The following BTBD9 variants were observed in gnomAD, a reference collection of about 807,000 sequenced individuals.
The protein encoded by BTBD9 is BTB domain containing 9.
In BTBD9, 49 loss-of-function variants were observed where a neutral mutation model predicts 64.3. That is an observed-to-expected ratio of 0.76 (90% CI 0.61 to 0.97). The LOEUF (loss-of-function observed/expected upper bound fraction) is 0.97. BTBD9 is among the 50% of genes least tolerant of loss of function. BTBD9 has a pLI of 0.00. For synonymous variants in BTBD9, 260 were observed against 274.7 expected, an observed-to-expected ratio of 0.95 and a Z score of 0.53; for missense variants, 598 against 762.1, an observed-to-expected ratio of 0.78 and a Z score of 2.53.
intron 9 of BTBD9, among the ~76,000 whole-genome samples, chr6:38,250,795 G>A (rs1212720137): frequency 4.6e-5 from 7 of 152,166 alleles, no homozygotes; most frequent in Non-Finnish European, 7.3e-5. Context: ...AGTTTAGGCC[G>A]AGCGAGGTGG....
At chr6:38,491,300 AG>A (rs1242157302) in intron 6 of BTBD9, among the ~76,000 whole-genome samples, 1 of 152,258 alleles carries the variant, frequency 6.6e-6, no homozygotes, top group African/African-American at 2.4e-5. Flanking sequence ...CTGGCAAGAA[AG>A]GCAAGGTGTT....
At chr6:38,273,954 C>A (rs1050890933) in intron 8 of BTBD9, among the ~76,000 whole-genome samples, 2 of 152,196 alleles carry the variant, frequency 1.3e-5, no homozygotes, top group African/African-American at 4.8e-5. Flanking sequence ...ACAAGTGATT[C>A]CACTAAACTA....
rs774497572 is a variant in BTBD9 at position 38,210,580 on chromosome 6, GCA to G, written c.1563-17985_1563-17984del. Among the ~76,000 whole-genome samples the G allele has an allele frequency of 1.3e-3, 194 of 150,874 alleles. 4 individuals are homozygous for G. The East Asian group carries it at 0.03, about 23-fold the overall frequency. ...TGTGTGTGTGTGTGTGTGTGTGTCT[GCA>G]TCTGGGCAAGAGTTTTTGTGTAGTA... On this transcript the variant is annotated intron_variant, in intron 9 of 10. Transcript: ENST00000481247.
chr6:38,296,179 CT>C (rs1478769935), intron 7 of BTBD9, among the ~76,000 whole-genome samples: 1 of 151,842 alleles, frequency 6.6e-6, no homozygotes, highest in Non-Finnish European at 1.5e-5. Flanking sequence ...GTTAGCTCCT[CT>C]TCTCCCCCTC....
intron 6 of BTBD9, among the ~76,000 whole-genome samples, chr6:38,466,182 G>C (rs1487929969): frequency 1.3e-5 from 2 of 148,800 alleles, no homozygotes; most frequent in Admixed American, 1.3e-4. Context: ...GCATAAAGTT[G>C]TTCATAGTAC....
intron 6 of BTBD9, among the ~76,000 whole-genome samples, chr6:38,378,119 C>A (rs1001601643): frequency 6.6e-6 from 1 of 152,158 alleles, no homozygotes; most frequent in East Asian, 1.9e-4. Context: ...TCTCGGGGAA[C>A]CCTCCCCCTT....
In BTBD9 at chr6:38,309,569, C is replaced by T. The variant is rs184424614; in HGVS notation, c.1265-21108G>A. Among the ~76,000 whole-genome samples the T allele has an allele frequency of 3.2e-3, 490 of 151,642 alleles. 2 individuals are homozygous for T. Among genetic ancestry groups the T allele is most frequent in the African/African-American group, 0.011 (456 of 41,394 alleles). On this transcript the variant is annotated intron_variant, in intron 7 of 10. Transcript: ENST00000481247. Reference sequence around the variant, plus strand: ...CTGGGACTACAGGCACGCACCACCACGCCCAGCTAACTTTTGTATTTTTAG... The same window carrying T: ...CTGGGACTACAGGCACGCACCACCATGCCCAGCTAACTTTTGTATTTTTAG...
intron 6 of BTBD9, among the ~76,000 whole-genome samples, chr6:38,356,122 T>C (rs1764720125): frequency 6.6e-6 from 1 of 152,190 alleles, no homozygotes; most frequent in African/African-American, 2.4e-5. Flanking sequence ...TGTCCTGCTC[T>C]TGGAGCATGT....
intron 7 of BTBD9, among the ~76,000 whole-genome samples, chr6:38,331,980 TAAAC>T (rs1763691531): frequency 6.6e-6 from 1 of 152,346 alleles, no homozygotes; most frequent in African/African-American, 2.4e-5. Context: ...ATTTGCCAAT[TAAAC>T]AAGCCAAAAA....
At chr6:38,413,484 C>T (rs1250592372) in intron 6 of BTBD9, among the ~76,000 whole-genome samples, 4 of 152,158 alleles carry the variant, frequency 2.6e-5, no homozygotes, top group Admixed American at 2.6e-4. Context: ...CTGTTTAGAC[C>T]TCTAGTTTGC....
intron 9 of BTBD9, among the ~76,000 whole-genome samples, chr6:38,248,856 T>C (rs1299335010): frequency 6.6e-6 from 1 of 152,196 alleles, no homozygotes; most frequent in Non-Finnish European, 1.5e-5. Context: ...GAAAATGATA[T>C]GCACATGAAA....
At chr6:38,447,962 G>A (rs1769352203) in intron 6 of BTBD9, among the ~76,000 whole-genome samples, 1 of 152,164 alleles carries the variant, frequency 6.6e-6, no homozygotes, top group Non-Finnish European at 1.5e-5. Flanking sequence ...GCTTTAAAAC[G>A]GATCTCTGGA....
intron 1 of BTBD9, among the ~76,000 whole-genome samples, chr6:38,610,223 G>A (rs1191864393): frequency 6.6e-6 from 1 of 152,116 alleles, no homozygotes; most frequent in Non-Finnish European, 1.5e-5. Flanking sequence ...CCAGCTTCTC[G>A]AAGTGTATAT....
Position 38,616,666 on chromosome 6 carries a change from C to T in BTBD9, c.-27-18545G>A, listed in dbSNP as rs151078122. Reference sequence around the variant, plus strand: ...CAGCAGGATTCTAAAAGTAGCCAATCGCGGGGAGGACTGAAAAGAGCGCGC... The same window carrying T: ...CAGCAGGATTCTAAAAGTAGCCAATTGCGGGGAGGACTGAAAAGAGCGCGC... On this transcript the variant is annotated intron_variant, in intron 1 of 10. Transcript: ENST00000481247. 3.6e-3 allele frequency among the ~76,000 whole-genome samples: 553 copies of T among 152,040 alleles called. 2 individuals are homozygous for T. Among genetic ancestry groups the T allele is most frequent in the African/African-American group, 0.013 (529 of 41,452 alleles).
intron 9 of BTBD9, among the ~76,000 whole-genome samples, chr6:38,226,529 C>G (rs545849224): frequency 1.3e-5 from 2 of 152,320 alleles, no homozygotes; most frequent in African/African-American, 4.8e-5. Context: ...GCAGATGAGA[C>G]ACAGGCTGAG....
At chr6:38,453,042 T>C (rs1769626669) in intron 6 of BTBD9, among the ~76,000 whole-genome samples, 1 of 152,150 alleles carries the variant, frequency 6.6e-6, no homozygotes, top group Non-Finnish European at 1.5e-5. Flanking sequence ...AAATAGCTAA[T>C]AGGTCTCATC....
chr6:38,404,022 G>A (rs1406979235), intron 6 of BTBD9, among the ~76,000 whole-genome samples: 1 of 152,124 alleles, frequency 6.6e-6, no homozygotes, highest in African/African-American at 2.4e-5. Context: ...GAAATGTCCA[G>A]AATACACAAA....
chr6:38,241,793 A>G (rs186803014), intron 9 of BTBD9, among the ~76,000 whole-genome samples: 5 of 152,294 alleles, frequency 3.3e-5, no homozygotes, highest in East Asian at 1.9e-4. Context: ...AAACAGAGGG[A>G]AAAAAACCAC....
chr6:38,521,866 G>C (rs920478675), intron 6 of BTBD9, among the ~76,000 whole-genome samples: 1 of 152,074 alleles, frequency 6.6e-6, no homozygotes, highest in Admixed American at 6.6e-5. Context: ...GTAGAGACCA[G>C]GTTTCACCAT....
Sources: allele counts gnomAD v4.1 joint callset (sites outside exome capture counted in the v4.1 genomes callset), GRCh38; gene constraint gnomAD v4.1.1; transcripts MANE v1.5; gene names NCBI Gene and HGNC (gene_info 2026-07-23, HGNC 2026-07-21).